The following BASP1 variants were observed in gnomAD, a reference collection of about 807,000 sequenced individuals.
BASP1 encodes brain abundant membrane attached signal protein 1, also known as brain acid soluble protein 1.
In BASP1, 1 loss-of-function variant was observed where a neutral mutation model predicts 2.2. The ratio of observed to expected loss-of-function variants is 0.46; its 90% CI spans 0.16 to 2.17. The LOEUF (loss-of-function observed/expected upper bound fraction) is 2.17. Among genes scored for constraint, BASP1 ranks in the 30% most tolerant of loss-of-function variants. The probability of loss-of-function intolerance (pLI) is 0.27; values close to 1 mark genes in which losing one functional copy is unlikely to be tolerated. For missense variants in BASP1, 352 were observed against 327.2 expected (o/e 1.08, Z -0.58); for synonymous variants, 187 against 154.2 (o/e 1.21, Z -1.58).
At chr5:17,245,458 A>G (rs953122890) in intron 1 of BASP1, among the ~76,000 whole-genome samples, 4 of 152,214 alleles carry the variant, frequency 2.6e-5, no homozygotes, top group African/African-American at 4.8e-5. Flanking sequence ...CAGACATCTT[A>G]CAAATGCTAA....
chr5:17,260,019 G>T lies in BASP1; in HGVS notation c.-9-15189G>T, dbSNP rs1376056381. ...GCAGTTTGCATTTCCTGAGCGGGTT[G>T]TGGTTCACTTACTCCCTTTATTGAC... On this transcript the variant is annotated intron_variant, in intron 1 of 1. Transcript: ENST00000322611. This position sits in a 1 kb window ranked among gnomAD's most constrained non-coding sequence, Gnocchi z 4.2. Among the ~76,000 whole-genome samples, 2 of 152,190 alleles carry T rather than the reference G, an allele frequency of 1.3e-5. No individual in the cohort carries two copies. The highest frequency in any genetic ancestry group is 2.9e-5 in the Non-Finnish European group (2 of 68,028).
chr5:17,225,433 G>C (rs1263824218), intron 1 of BASP1, among the ~76,000 whole-genome samples: 2 of 152,058 alleles, frequency 1.3e-5, no homozygotes, highest in Non-Finnish European at 2.9e-5. Flanking sequence ...ACTCCTTTCT[G>C]CTTCTTACAT....
chr5:17,243,360 G>A (rs1449898891), intron 1 of BASP1, among the ~76,000 whole-genome samples: 1 of 152,062 alleles, frequency 6.6e-6, no homozygotes, highest in East Asian at 1.9e-4. Flanking sequence ...CGCCACGTTG[G>A]CCAGGCTAGT....
At chr5:17,264,879 C>T (rs1740387454) in intron 1 of BASP1, among the ~76,000 whole-genome samples, 1 of 152,016 alleles carries the variant, frequency 6.6e-6, no homozygotes, top group Non-Finnish European at 1.5e-5. Flanking sequence ...TGGATAGGGC[C>T]TTTGTATGAT....
chr5:17,275,917 G>A lies in BASP1; in HGVS notation c.*17G>A. On this transcript the variant is annotated 3_prime_UTR_variant, in exon 2 of 2. Coordinates refer to ENST00000322611, the MANE Select transcript of BASP1 (RefSeq NM_006317.5). The surrounding 1 kb of genome is among the most constrained non-coding windows in gnomAD (Gnocchi z 5.3). ...AAAGAGTGACAAGGACAGCCTATAG[G>A]AAAAACAATACCACTTAAAACAATC... 6.5e-7 allele frequency: 1 copy of A among 1,531,430 alleles called. No homozygotes were observed. Among genetic ancestry groups the A allele is most frequent in the South Asian group, 1.2e-5 (1 of 81,390 alleles). The allele number at this position is 1,531,430 out of a possible 1,614,324, so 94.9% of individuals were successfully genotyped here.
intron 1 of BASP1, among the ~76,000 whole-genome samples, chr5:17,274,324 C>T (rs918805561): frequency 6.6e-6 from 1 of 152,002 alleles, no homozygotes; most frequent in Admixed American, 6.6e-5. Flanking sequence ...TCATAACTGC[C>T]CCTGCTTGGT....
intron 1 of BASP1, among the ~76,000 whole-genome samples, chr5:17,232,207 C>T (rs375089776): frequency 1.3e-5 from 2 of 152,160 alleles, no homozygotes; most frequent in Admixed American, 1.3e-4. Flanking sequence ...ATTGTGGGAA[C>T]CTTTCAGAAA....
chr5:17,230,039 A>G (rs972492818), intron 1 of BASP1, among the ~76,000 whole-genome samples: 1 of 152,108 alleles, frequency 6.6e-6, no homozygotes. Context: ...GGCATGAGCT[A>G]CCGCACCTGG....
At chr5:17,233,429 A>G (rs1424502225) in intron 1 of BASP1, among the ~76,000 whole-genome samples, 1 of 152,016 alleles carries the variant, frequency 6.6e-6, no homozygotes, top group Admixed American at 6.6e-5. Context: ...TACAGCTGAT[A>G]CTCCCTGGGT....
At chr5:17,221,527 T>C (rs2624415) in intron 1 of BASP1, among the ~76,000 whole-genome samples, 33,206 of 151,942 alleles carry the variant, frequency 0.22, 3,916 homozygotes, top group Middle Eastern at 0.28. Flanking sequence ...ATCTTCTTTC[T>C]CTTCTTAATG....
intron 1 of BASP1, among the ~76,000 whole-genome samples, chr5:17,271,151 G>C (rs1254446786): frequency 6.6e-6 from 1 of 152,140 alleles, no homozygotes; most frequent in Non-Finnish European, 1.5e-5. Flanking sequence ...GTTTTGCTTT[G>C]TTTTGTTTTG....
rs1579507921 is a variant in BASP1, at chr5:17,276,632, T to TG, written c.*733dup. On this transcript the variant is annotated 3_prime_UTR_variant, in exon 2 of 2. Transcript: ENST00000322611. ...AGTTCTGTTTATTGGTCAGTGGAAA[T>TG]GAAAAAAAAAAAAAAAAAAAGTCTG... 1.6e-4 allele frequency: 2 copies of TG among 12,798 alleles called. No individual in the cohort carries two copies. Among genetic ancestry groups the TG allele is most frequent in the East Asian group, 2.3e-3 (2 of 852 alleles). 0.8% of individuals were successfully genotyped at this position (12,798 alleles called of 1,614,324 possible). A position where few individuals can be genotyped will look rare whatever the true frequency, so the allele number is the denominator to read the frequency against.
chr5:17,263,183 T>C (rs761605316), intron 1 of BASP1, among the ~76,000 whole-genome samples: 2 of 151,862 alleles, frequency 1.3e-5, no homozygotes, highest in Non-Finnish European at 1.5e-5. Context: ...ATTCTGAACA[T>C]CAGAAGTTCT....
chr5:17,233,451 G>T (rs532975482), intron 1 of BASP1, among the ~76,000 whole-genome samples: 1 of 152,292 alleles, frequency 6.6e-6, no homozygotes, highest in African/African-American at 2.4e-5. Context: ...AGATCTGAAG[G>T]AGCTGGCTGT....
At chr5:17,271,123 G>C (rs1740521153) in intron 1 of BASP1, among the ~76,000 whole-genome samples, 1 of 152,106 alleles carries the variant, frequency 6.6e-6, no homozygotes, top group Non-Finnish European at 1.5e-5. Context: ...CAGCTTTTTT[G>C]TTTGCTTTTT....
chr5:17,232,582 C>T (rs996261919), intron 1 of BASP1, among the ~76,000 whole-genome samples: 3 of 152,148 alleles, frequency 2.0e-5, no homozygotes, highest in Non-Finnish European at 2.9e-5. Flanking sequence ...GGGCTGGATA[C>T]GTGGAAGGGC....
chr5:17,264,929 A>C (rs531781739), intron 1 of BASP1, among the ~76,000 whole-genome samples: 1 of 152,352 alleles, frequency 6.6e-6, no homozygotes, highest in South Asian at 2.1e-4. Context: ...ATATTATAAT[A>C]ATGCAGGGAA....
chr5:17,259,434 T>C (rs570179254), intron 1 of BASP1, among the ~76,000 whole-genome samples: 1 of 152,344 alleles, frequency 6.6e-6, no homozygotes, highest in East Asian at 1.9e-4. Context: ...ATACATTCTT[T>C]TATTAATTTG....
At chr5:17,223,800 G>C (rs1210500998) in intron 1 of BASP1, among the ~76,000 whole-genome samples, 1 of 152,172 alleles carries the variant, frequency 6.6e-6, no homozygotes, top group Non-Finnish European at 1.5e-5. Flanking sequence ...TCTTGAATCA[G>C]ATGTATCATT....
Sources: gnomAD v4.1 joint callset for allele counts (sites outside exome capture counted in the v4.1 genomes callset) on GRCh38, gnomAD v4.1.1 for gene constraint, Gnocchi (gnomAD v3.1) non-coding constraint, MANE v1.5 for transcripts, NCBI Gene and HGNC (gene_info 2026-07-23, HGNC 2026-07-21) for gene names.